ANAPC7: variants seen among roughly 807,000 people sequenced by gnomAD.
The protein encoded by ANAPC7 is anaphase-promoting complex subunit 7.
ANAPC7 carries 25 observed loss-of-function variants against 63.3 expected under a neutral mutation model. The observed-to-expected ratio is 0.39, with a 90% confidence interval of 0.29 to 0.55. The LOEUF (loss-of-function observed/expected upper bound fraction) is 0.55. Ranked by LOEUF, ANAPC7 falls within the 20% of genes least tolerant of loss-of-function variation. ANAPC7 has a pLI of 0.57. For missense variants in ANAPC7, 516 were observed against 691.7 expected, an observed-to-expected ratio of 0.75 and a Z score of 2.85; for synonymous variants, 241 against 251.7, an observed-to-expected ratio of 0.96 and a Z score of 0.40.
At chr12:110,395,042 GGA>G (rs563195757) in intron 3 of ANAPC7, 57 bp downstream of exon 3, 1 of 1,563,284 alleles carries the variant, frequency 6.4e-7, no homozygotes, top group Non-Finnish European at 8.7e-7. Context: ...GAGAAAACAT[GGA>G]GAGAGGGAGC....
intron 6 of ANAPC7, among the ~76,000 whole-genome samples, chr12:110,385,129 T>G (rs1004743729): frequency 3.9e-5 from 6 of 152,018 alleles, no homozygotes; most frequent in African/African-American, 1.5e-4. Flanking sequence ...TAGTTGGGTG[T>G]GGTGGCGGGC....
At chr12:110,394,795 A>C (rs1225915787) in intron 3 of ANAPC7, among the ~76,000 whole-genome samples, 1 of 151,944 alleles carries the variant, frequency 6.6e-6, no homozygotes, top group Non-Finnish European at 1.5e-5. Flanking sequence ...GCAGTGAGCC[A>C]GGATCACAAC....
chr12:110,376,568 C>CAAAAAA lies in ANAPC7; in HGVS notation c.1358-358_1358-353dup, dbSNP rs57434475. 5.7e-3 allele frequency among the ~76,000 whole-genome samples: 355 copies of CAAAAAA among 62,370 alleles called. 61 individuals are homozygous for CAAAAAA. Among genetic ancestry groups the CAAAAAA allele is most frequent in the South Asian group, 0.022 (32 of 1,476 alleles). The allele number at this position is 62,370 out of a possible 152,430, so 40.9% of individuals were successfully genotyped here. On this transcript the variant is annotated intron_variant, in intron 9 of 10. Coordinates refer to ENST00000455511, the MANE Select transcript of ANAPC7 (RefSeq NM_016238.3). The stretch of plus-strand genomic sequence containing the variant: ...TGGGCAACAGAGCGAGACTCCATCT[C>CAAAAAA]AAAAAAAAAAAAAAAAAAGAAATTT...
At chr12:110,384,546 C>T (rs571263215) in intron 6 of ANAPC7, among the ~76,000 whole-genome samples, 23 of 151,840 alleles carry the variant, frequency 1.5e-4, no homozygotes, top group African/African-American at 5.3e-4. Flanking sequence ...ACTAGCCAGG[C>T]GTGGTGGCAC....
At chr12:110,384,276 G>C (rs1882242697) in intron 6 of ANAPC7, among the ~76,000 whole-genome samples, 1 of 151,764 alleles carries the variant, frequency 6.6e-6, no homozygotes, top group Admixed American at 6.6e-5. Flanking sequence ...ACATGCCTGT[G>C]GTCCCAGCTA....
chr12:110,396,795 G>A (rs959601678), intron 1 of ANAPC7, among the ~76,000 whole-genome samples: 12 of 151,852 alleles, frequency 7.9e-5, no homozygotes, highest in African/African-American at 2.9e-4. Flanking sequence ...GATTACAGGC[G>A]TGAGCCATCA....
intron 7 of ANAPC7, among the ~76,000 whole-genome samples, chr12:110,382,447 A>T (rs1881948429): frequency 4.4e-5 from 2 of 45,432 alleles, no homozygotes; most frequent in African/African-American, 3.0e-4. Flanking sequence ...CTTTTAAAAA[A>T]AAAAAAAAAA....
intron 7 of ANAPC7, among the ~76,000 whole-genome samples, chr12:110,382,457 A>ATATATATACATAT (rs1251192302): frequency 4.6e-5 from 3 of 65,268 alleles, no homozygotes; most frequent in African/African-American, 2.1e-4. Flanking sequence ...AAAAAAAAAA[A>ATATATATACATAT]AAAAATATAT....
Position 110,403,637 on chromosome 12 carries a change from C to T in ANAPC7, c.-10G>A. 6.3e-7 allele frequency: 1 copy of T among 1,592,126 alleles called. No individual in the cohort carries two copies. The highest frequency in any genetic ancestry group is 8.6e-7 in the Non-Finnish European group (1 of 1,169,150). On this transcript the variant is annotated 5_prime_UTR_variant, in exon 1 of 11. Coordinates refer to ENST00000455511, the MANE Select transcript of ANAPC7 (RefSeq NM_016238.3). ...GGTCTATCACATTCATCCTGCTCTGCAAAGCCGCGGGCAGCGGCGGCAGCA... is the reference window on the plus strand; with the variant it reads ...GGTCTATCACATTCATCCTGCTCTGTAAAGCCGCGGGCAGCGGCGGCAGCA...
At position 110,381,968 on chromosome 12, in the gene ANAPC7, A is replaced by G; in HGVS notation, c.936-20T>C. ...TGACAGCTGGAGAAAAAAAAAAAAA[A>G]AAAAACACAAAAACCCCAGAAGTTA... On this transcript the variant is annotated intron_variant, in intron 7 of 10. Transcript: ENST00000455511. 6.6e-7 allele frequency: 1 copy of G among 1,513,216 alleles called. No individual in the cohort carries two copies. Among genetic ancestry groups the G allele is most frequent in the Non-Finnish European group, 8.8e-7 (1 of 1,140,150 alleles). The allele number at this position is 1,513,216 out of a possible 1,614,324, so 93.7% of individuals were successfully genotyped here.
chr12:110,395,084 A>G lies in ANAPC7; in HGVS notation c.408+17T>C, dbSNP rs1223459425. 5.6e-6 allele frequency: 9 copies of G among 1,610,960 alleles called. No individual in the cohort carries two copies. The highest frequency in any genetic ancestry group is 1.7e-5 in the Admixed American group (1 of 59,232). ...TTAGGAGAGCTGAGGAGAAAAACAC[A>G]TAAACATTCAACTTACTTTGGGAGT... On this transcript the variant is annotated intron_variant, in intron 3 of 10. Transcript: ENST00000455511.
intron 3 of ANAPC7, among the ~76,000 whole-genome samples, chr12:110,394,887 AAAC>A (rs1194793859): frequency 1.3e-5 from 2 of 152,084 alleles, no homozygotes; most frequent in Non-Finnish European, 2.9e-5. Flanking sequence ...AAAAAAGAAA[AAAC>A]AAAGAATAAG....
In ANAPC7 at chr12:110,396,261, A is replaced by G; in HGVS notation, c.288+5T>C. On this transcript the variant is annotated splice_donor_5th_base_variant and intron_variant, in intron 2 of 10. Coordinates refer to ENST00000455511, the MANE Select transcript of ANAPC7 (RefSeq NM_016238.3). ...AAAAAAAATCACAATTCTATCTCCA[A>G]TTACCTGACTTTGTGGAGTAGATGC... The G allele has an allele frequency of 1.3e-6, 2 of 1,599,256 alleles. No homozygotes were observed. Among genetic ancestry groups the G allele is most frequent in the Non-Finnish European group, 1.7e-6 (2 of 1,174,976 alleles).
Position 110,372,963 on chromosome 12 carries a change from T to TA in ANAPC7, c.*1180dup, listed in dbSNP as rs1015262915. ...CTGAGCTCATTAACTACTGTACACT[T>TA]ACAGTTTTTACATTTTAGGATACGA... On this transcript the variant is annotated 3_prime_UTR_variant, in exon 11 of 11. Coordinates refer to ENST00000455511, the MANE Select transcript of ANAPC7 (RefSeq NM_016238.3). 1 of 152,192 alleles carries TA rather than the reference T, an allele frequency of 6.6e-6. No individual in the cohort carries two copies. Among genetic ancestry groups the TA allele is most frequent in the Non-Finnish European group, 1.5e-5 (1 of 68,032 alleles). 9.4% of individuals were successfully genotyped at this position (152,192 alleles called of 1,614,324 possible).
rs373276328 is a variant in ANAPC7, at chr12:110,374,051, T to C, written c.*93A>G. 1.2e-5 allele frequency: 16 copies of C among 1,372,688 alleles called. No homozygotes were observed. The highest frequency in any genetic ancestry group is 1.4e-5 in the Non-Finnish European group (14 of 1,027,738). 85.0% of individuals were successfully genotyped at this position (1,372,688 alleles called of 1,614,324 possible). On this transcript the variant is annotated 3_prime_UTR_variant, in exon 11 of 11. Coordinates refer to ENST00000455511, the MANE Select transcript of ANAPC7 (RefSeq NM_016238.3). ...CCTGCTGCAATCACATGCTGAATCATTGTCCTTCTGAGAGCAGGCTCCTAC... is the reference window on the plus strand; with the variant it reads ...CCTGCTGCAATCACATGCTGAATCACTGTCCTTCTGAGAGCAGGCTCCTAC...
chr12:110,383,875 C>CAAACAAAAAAAAAAAAAAAAAA (rs1882180391), intron 6 of ANAPC7, among the ~76,000 whole-genome samples: 1 of 50,678 alleles, frequency 2.0e-5, no homozygotes, highest in African/African-American at 6.8e-5. Context: ...GACTCCGTCT[C>CAAACAAAAAAAAAAAAAAAAAA]AAAAAAAAAA....
Position 110,377,299 on chromosome 12 carries a change from A to C in ANAPC7, c.1357+94T>G, listed in dbSNP as rs552062241. 59 of 1,061,782 alleles carry C rather than the reference A, an allele frequency of 5.6e-5. No homozygotes were observed. In the African/African-American group the frequency reaches 8.2e-4, roughly 15 times the overall value. 65.8% of individuals were successfully genotyped at this position (1,061,782 alleles called of 1,614,324 possible). ...TGCTGCAAAAGGCACACACCTGTCT[A>C]GTCATCTGTAACTAGCTGGGACAAG... is the stretch of plus-strand genomic sequence containing the variant. On this transcript the variant is annotated intron_variant, in intron 9 of 10. Transcript: ENST00000455511.
At chr12:110,389,631 G>A (rs143048404) in intron 3 of ANAPC7, among the ~76,000 whole-genome samples, 2 of 152,154 alleles carry the variant, frequency 1.3e-5, no homozygotes, top group Non-Finnish European at 2.9e-5. Flanking sequence ...ACTGGGAAAT[G>A]AGAAAATCTA....
chr12:110,385,647 C>T (rs140833670), intron 6 of ANAPC7, among the ~76,000 whole-genome samples: 10 of 152,314 alleles, frequency 6.6e-5, no homozygotes, highest in African/African-American at 2.2e-4. Flanking sequence ...CATCTAAACG[C>T]TTGGGATGGC....
Sources: allele counts gnomAD v4.1 joint callset (sites outside exome capture counted in the v4.1 genomes callset), GRCh38; gene constraint gnomAD v4.1.1; transcripts MANE v1.5; gene names NCBI Gene and HGNC (gene_info 2026-07-23, HGNC 2026-07-21).